Variants in SPPL3 observed in about 807,000 individuals in gnomAD.
The protein encoded by SPPL3 is signal peptide peptidase like 3, also known as signal peptide peptidase-like 3.
SPPL3 carries 5 observed loss-of-function variants against 42.4 expected under a neutral mutation model. The ratio of observed to expected loss-of-function variants is 0.12; its 90% confidence interval spans 0.06 to 0.25. The LOEUF (loss-of-function observed/expected upper bound fraction) is 0.25, where lower values mean the gene tolerates loss of function less well. Ranked by LOEUF, SPPL3 falls within the 10% of genes least tolerant of loss-of-function variation. The pLI is 1.00. For synonymous variants in SPPL3, 195 were observed against 181.8 expected (o/e 1.07, Z -0.58); for missense variants, 235 against 489.0 (o/e 0.48, Z 4.90).
intron 1 of SPPL3, among the ~76,000 whole-genome samples, chr12:120,833,513 A>G (rs1871499173): frequency 6.6e-6 from 1 of 152,182 alleles, no homozygotes; most frequent in African/African-American, 2.4e-5. Flanking sequence ...TGGGTAAATG[A>G]GAGGATGGTA....
Position 120,827,328 on chromosome 12 carries a change from C to CAATAATAATAAT in SPPL3, c.24-16454_24-16443dup, listed in dbSNP as rs71076662. Among the ~76,000 whole-genome samples, 281 of 145,630 alleles carry CAATAATAATAAT rather than the reference C, an allele frequency of 1.9e-3. 2 individuals carry two copies. Among genetic ancestry groups the CAATAATAATAAT allele is most frequent in the African/African-American group, 6.6e-3 (262 of 39,966 alleles). On this transcript the variant is annotated intron_variant, in intron 1 of 10. Transcript: ENST00000353487. ...ATAACTGCTGCTATAATAACAGGAA[C>CAATAATAATAAT]AATAATAATAATAATAATAATAATA...
At chr12:120,771,477 T>C (rs1202162303) in intron 6 of SPPL3, among the ~76,000 whole-genome samples, 1 of 152,276 alleles carries the variant, frequency 6.6e-6, no homozygotes, top group Non-Finnish European at 1.5e-5. Flanking sequence ...AGGTGGACTT[T>C]CCTGCAATTA....
chr12:120,875,728 G>A (rs1392605742), intron 1 of SPPL3, among the ~76,000 whole-genome samples: 1 of 139,818 alleles, frequency 7.2e-6, no homozygotes, highest in Non-Finnish European at 1.7e-5. Context: ...TAAATTCCAA[G>A]AAGGAAAAAA....
chr12:120,853,929 C>A (rs1872346360), intron 1 of SPPL3, among the ~76,000 whole-genome samples: 1 of 150,548 alleles, frequency 6.6e-6, no homozygotes, highest in African/African-American at 2.4e-5. Flanking sequence ...CAACAAAACC[C>A]AAACCCAAAA....
intron 1 of SPPL3, among the ~76,000 whole-genome samples, chr12:120,814,361 C>T (rs1197603441): frequency 6.6e-6 from 1 of 152,166 alleles, no homozygotes; most frequent in Non-Finnish European, 1.5e-5. Flanking sequence ...GAGCCTCTCT[C>T]TTGGGTCCCA....
intron 2 of SPPL3, among the ~76,000 whole-genome samples, chr12:120,799,748 G>A (rs540601280): frequency 2.6e-5 from 4 of 152,310 alleles, no homozygotes; most frequent in African/African-American, 9.6e-5. Flanking sequence ...GGGGCACAGT[G>A]AGTTAGTAGG....
At chr12:120,794,087 A>T (rs1250762105) in intron 2 of SPPL3, among the ~76,000 whole-genome samples, 1 of 152,212 alleles carries the variant, frequency 6.6e-6, no homozygotes, top group Non-Finnish European at 1.5e-5. Flanking sequence ...TATTAGATAC[A>T]TAAACATTTG....
intron 1 of SPPL3, among the ~76,000 whole-genome samples, chr12:120,848,640 ATATT>A (rs1344436539): frequency 6.6e-6 from 1 of 152,238 alleles, no homozygotes; most frequent in Non-Finnish European, 1.5e-5. Flanking sequence ...ATTAATCTAT[ATATT>A]TAACATAAGC....
intron 1 of SPPL3, among the ~76,000 whole-genome samples, chr12:120,855,924 A>C (rs1872440231): frequency 6.6e-6 from 1 of 152,142 alleles, no homozygotes; most frequent in Non-Finnish European, 1.5e-5. Context: ...GAAAATCTCA[A>C]GACTAAATGC....
intron 1 of SPPL3, among the ~76,000 whole-genome samples, chr12:120,866,989 G>A (rs1872773207): frequency 6.6e-6 from 1 of 152,152 alleles, no homozygotes; most frequent in African/African-American, 2.4e-5. Context: ...ATTAGTGCTT[G>A]AGTGATAATC....
At chr12:120,780,747 AAAAAAC>A (rs1387826415) in intron 6 of SPPL3, among the ~76,000 whole-genome samples, 9 of 115,504 alleles carry the variant, frequency 7.8e-5, no homozygotes, top group African/African-American at 2.6e-4. Flanking sequence ...AAATTAAAAA[AAAAAAC>A]AAAACAAAAA....
intron 1 of SPPL3, among the ~76,000 whole-genome samples, chr12:120,889,343 A>G (rs973310733): frequency 6.6e-6 from 1 of 152,224 alleles, no homozygotes; most frequent in Non-Finnish European, 1.5e-5. Flanking sequence ...TTCCTTAGCC[A>G]TATGATTTTG....
At chr12:120,880,442 A>C (rs746957850) in intron 1 of SPPL3, among the ~76,000 whole-genome samples, 3 of 152,092 alleles carry the variant, frequency 2.0e-5, no homozygotes, top group Non-Finnish European at 4.4e-5. Flanking sequence ...AAACTTGTGC[A>C]CCAAAGGCCA....
intron 9 of SPPL3, among the ~76,000 whole-genome samples, chr12:120,766,611 T>C (rs1176345503): frequency 6.6e-6 from 1 of 152,128 alleles, no homozygotes; most frequent in Admixed American, 6.5e-5. Context: ...GGTTCCTGGG[T>C]TCAAACCCTC....
chr12:120,781,562 T>G (rs981326782), intron 6 of SPPL3, among the ~76,000 whole-genome samples: 5 of 70,822 alleles, frequency 7.1e-5, no homozygotes, highest in Admixed American at 1.4e-4. Context: ...TACGTTTTTT[T>G]TTTTTTTTTT....
chr12:120,807,737 G>GA (rs1174017009), intron 2 of SPPL3, among the ~76,000 whole-genome samples: 1 of 151,452 alleles, frequency 6.6e-6, no homozygotes, highest in African/African-American at 2.4e-5. Flanking sequence ...AACTCAGCAG[G>GA]AAAAAAACAA....
chr12:120,782,249 A>G (rs1368811794), intron 6 of SPPL3, among the ~76,000 whole-genome samples: 5 of 152,266 alleles, frequency 3.3e-5, no homozygotes, highest in African/African-American at 9.6e-5. Context: ...AATAGCCTAA[A>G]AAGTGGAAAC....
chr12:120,767,359 G>A (rs1868950654), intron 9 of SPPL3, 35 bp downstream of exon 9: 1 of 1,596,786 alleles, frequency 6.3e-7, no homozygotes, highest in African/African-American at 1.3e-5. Context: ...GACAGCCAGA[G>A]CGAGGATCAT....
At chr12:120,770,771 ACTAT>A (rs1323721251) in intron 6 of SPPL3, among the ~76,000 whole-genome samples, 1 of 151,996 alleles carries the variant, frequency 6.6e-6, no homozygotes, top group African/African-American at 2.4e-5. Context: ...GGCTCTTGAC[ACTAT>A]CTATCTTATA....
Sources: allele counts gnomAD v4.1 joint callset (sites outside exome capture counted in the v4.1 genomes callset), GRCh38; gene constraint gnomAD v4.1.1; transcripts MANE v1.5; gene names NCBI Gene and HGNC (gene_info 2026-07-23, HGNC 2026-07-21).